PARD3: variants seen among roughly 807,000 people sequenced by gnomAD.
The protein encoded by PARD3 is partitioning defective 3 homolog.
PARD3 carries 75 observed loss-of-function variants against 155.4 expected under a neutral mutation model. The observed-to-expected ratio is 0.48, with a 90% confidence interval of 0.40 to 0.58. The LOEUF is 0.58. Among genes scored for constraint, PARD3 ranks in the 20% least tolerant of loss-of-function variants. PARD3 has a pLI of 0.00. For synonymous variants in PARD3, 576 were observed against 610.5 expected, an observed-to-expected ratio of 0.94 and a Z score of 0.83; for missense variants, 1,642 against 1,721.7, an observed-to-expected ratio of 0.95 and a Z score of 0.82.
intron 23 of PARD3, among the ~76,000 whole-genome samples, chr10:34,120,183 A>ATTTTT (rs57670906): frequency 6.2e-5 from 7 of 113,666 alleles, no homozygotes; most frequent in African/African-American, 2.3e-4. Context: ...TGCCTGGCTA[A>ATTTTT]TTTTTTTTTT....
intron 5 of PARD3, among the ~76,000 whole-genome samples, chr10:34,420,493 A>G (rs1470002415): frequency 6.6e-6 from 1 of 152,188 alleles, no homozygotes; most frequent in East Asian, 1.9e-4. Flanking sequence ...CTCAGAGATC[A>G]TGATCCTGGA....
intron 20 of PARD3, among the ~76,000 whole-genome samples, chr10:34,305,513 T>C (rs550848051): frequency 6.6e-6 from 1 of 152,360 alleles, no homozygotes; most frequent in East Asian, 1.9e-4. Context: ...TCCTAGACTC[T>C]GACGTTTTCA....
At position 34,482,697 on chromosome 10, in the gene PARD3, T is replaced by C. The variant is rs565367774; in HGVS notation, c.404-12434A>G. The stretch of plus-strand genomic sequence containing the variant: ...GAATTATTTTTCTAGATTCTTTTTG[T>C]ACTTTCAGAAACATACCTTAATGAG... On this transcript the variant is annotated intron_variant, in intron 3 of 24. Coordinates refer to ENST00000374788, the MANE Select transcript of PARD3 (RefSeq NM_001184785.2). 2.6e-5 allele frequency among the ~76,000 whole-genome samples: 4 copies of C among 152,252 alleles called. No individual in the cohort carries two copies. The East Asian group carries it at 5.8e-4, about 22-fold the overall frequency.
At chr10:34,249,823 T>C (rs1307679663) in intron 22 of PARD3, among the ~76,000 whole-genome samples, 6 of 152,210 alleles carry the variant, frequency 3.9e-5, no homozygotes, top group Non-Finnish European at 7.3e-5. Context: ...ACTCCCTAGG[T>C]GGCAGCACAG....
chr10:34,242,431 G>A (rs554105969), intron 22 of PARD3, among the ~76,000 whole-genome samples: 9 of 152,092 alleles, frequency 5.9e-5, no homozygotes, highest in South Asian at 4.2e-4. Flanking sequence ...GGTAGGAGGC[G>A]ACTACCTTCA....
intron 15 of PARD3, chr10:34,346,025 A>G: frequency 2.0e-6 from 2 of 985,386 alleles, no homozygotes; most frequent in Non-Finnish European, 2.4e-6. Context: ...ACATCAATTT[A>G]GCCTACCCTT....
intron 22 of PARD3, among the ~76,000 whole-genome samples, chr10:34,208,452 A>G (rs929385705): frequency 2.0e-5 from 3 of 152,202 alleles, no homozygotes; most frequent in African/African-American, 7.2e-5. Context: ...TGTCTCTTCA[A>G]TCTTATGAAT....
intron 1 of PARD3, among the ~76,000 whole-genome samples, chr10:34,763,333 C>G (rs1190735451): frequency 6.6e-6 from 1 of 152,196 alleles, no homozygotes; most frequent in African/African-American, 2.4e-5. Flanking sequence ...GAAATAGTAA[C>G]TTTCTAAGGA....
At chr10:34,430,092 T>C (rs1348829783) in intron 5 of PARD3, among the ~76,000 whole-genome samples, 2 of 152,248 alleles carry the variant, frequency 1.3e-5, no homozygotes, top group East Asian at 3.8e-4. Flanking sequence ...CTTAGTAAGA[T>C]ATTAAGAAAC....
chr10:34,688,003 C>T (rs573521165), intron 2 of PARD3, among the ~76,000 whole-genome samples: 2 of 151,866 alleles, frequency 1.3e-5, no homozygotes, highest in African/African-American at 4.8e-5. Flanking sequence ...TACAGGCCAG[C>T]ACCACCACAC....
At chr10:34,649,928 G>C (rs188206504) in intron 2 of PARD3, among the ~76,000 whole-genome samples, 4,661 of 150,056 alleles carry the variant, frequency 0.031, 228 homozygotes, top group African/African-American at 0.11. Context: ...GAAAAACTAA[G>C]ACACACACAC....
At chr10:34,800,142 A>C (rs77627333) in intron 1 of PARD3, among the ~76,000 whole-genome samples, 4 of 57,502 alleles carry the variant, frequency 7.0e-5, no homozygotes, top group African/African-American at 2.4e-4. Context: ...GCAACTTCCC[A>C]AAAAAAAAAA....
At chr10:34,379,694 T>C (rs566531174) in intron 9 of PARD3, among the ~76,000 whole-genome samples, 2 of 152,228 alleles carry the variant, frequency 1.3e-5, no homozygotes, top group South Asian at 2.1e-4. Flanking sequence ...TAAGTAGATA[T>C]CAATTTTCAT....
intron 4 of PARD3, among the ~76,000 whole-genome samples, chr10:34,454,617 CA>C (rs34385149): frequency 0.1 from 15,481 of 150,600 alleles, 2,434 homozygotes; most frequent in African/African-American, 0.34. Flanking sequence ...AAAGATTATA[CA>C]AAAAAAAATG....
intron 3 of PARD3, among the ~76,000 whole-genome samples, chr10:34,485,587 A>G (rs945835337): frequency 6.6e-6 from 1 of 152,174 alleles, no homozygotes; most frequent in African/African-American, 2.4e-5. Context: ...CAATTGGTTG[A>G]AAGAGTTAAG....
At chr10:34,419,965 G>A (rs1187564882) in intron 5 of PARD3, among the ~76,000 whole-genome samples, 3 of 152,092 alleles carry the variant, frequency 2.0e-5, no homozygotes, top group Non-Finnish European at 4.4e-5. Flanking sequence ...TTGATTGATT[G>A]AGACAGAGTC....
chr10:34,357,768 A>C (rs1421613508), intron 14 of PARD3, among the ~76,000 whole-genome samples: 7 of 152,196 alleles, frequency 4.6e-5, no homozygotes, highest in Non-Finnish European at 5.9e-5. Flanking sequence ...TATCGCAATT[A>C]ATTTGTTGAT....
intron 2 of PARD3, among the ~76,000 whole-genome samples, chr10:34,678,639 A>C (rs2093756092): frequency 6.6e-6 from 1 of 152,210 alleles, no homozygotes; most frequent in Non-Finnish European, 1.5e-5. Flanking sequence ...CAATAAGTGA[A>C]TAAACATAAA....
intron 2 of PARD3, among the ~76,000 whole-genome samples, chr10:34,607,418 T>C (rs566616089): frequency 3.3e-4 from 51 of 152,284 alleles, no homozygotes; most frequent in South Asian, 1.2e-3. Flanking sequence ...TCTTAATGCA[T>C]AACAGCTAGA....
Sources: gnomAD v4.1 joint callset for allele counts (sites outside exome capture counted in the v4.1 genomes callset) on GRCh38, gnomAD v4.1.1 for gene constraint, MANE v1.5 for transcripts, NCBI Gene and HGNC (gene_info 2026-07-23, HGNC 2026-07-21) for gene names.